ADGRL3: variants seen among roughly 807,000 people sequenced by gnomAD.
ADGRL3 encodes the protein adhesion G protein-coupled receptor L3, also known as calcium-independent alpha-latrotoxin receptor 3.
Under a neutral mutation model 153.5 loss-of-function variants are expected in ADGRL3, and 62 were observed. The observed-to-expected ratio is 0.40, with a 90% CI of 0.33 to 0.50. The LOEUF (loss-of-function observed/expected upper bound fraction) is 0.50, where lower values mean the gene tolerates loss of function less well. ADGRL3 is among the 20% of genes least tolerant of loss of function. ADGRL3 has a pLI of 0.47. For synonymous variants in ADGRL3, 710 were observed against 672.5 expected, an observed-to-expected ratio of 1.06 and a Z score of -0.86; for missense variants, 1,641 against 1,859.4, an observed-to-expected ratio of 0.88 and a Z score of 2.16.
intron 9 of ADGRL3, among the ~76,000 whole-genome samples, chr4:61,817,011 G>A (rs984081239): frequency 1.3e-5 from 2 of 152,184 alleles, no homozygotes; most frequent in Non-Finnish European, 2.9e-5. Context: ...CTGACTGGGT[G>A]TGCATGTGCT....
chr4:61,961,455 C>G (rs1386969184), intron 17 of ADGRL3, among the ~76,000 whole-genome samples: 1 of 152,180 alleles, frequency 6.6e-6, no homozygotes. Context: ...CTCTAATTCT[C>G]TTTTGTGCAT....
At chr4:61,546,520 C>T (rs1028810620) in intron 4 of ADGRL3, among the ~76,000 whole-genome samples, 3 of 152,006 alleles carry the variant, frequency 2.0e-5, no homozygotes, top group African/African-American at 7.2e-5. Context: ...ATTCTCATTG[C>T]TCTTGGTGTC....
At chr4:61,385,928 T>A (rs978654506) in intron 2 of ADGRL3, among the ~76,000 whole-genome samples, 11 of 152,114 alleles carry the variant, frequency 7.2e-5, no homozygotes, top group African/African-American at 1.2e-4. Context: ...TGTATCTATC[T>A]CTTTCTTTCA....
chr4:61,739,233 G>A (rs2096554111), intron 8 of ADGRL3, among the ~76,000 whole-genome samples: 1 of 151,578 alleles, frequency 6.6e-6, no homozygotes, highest in African/African-American at 2.4e-5. Context: ...AGTTTTTTTT[G>A]GAACTAAGTA....
At chr4:61,680,303 A>AAATGGAAT (rs201816133) in intron 6 of ADGRL3, among the ~76,000 whole-genome samples, 33,921 of 151,640 alleles carry the variant, frequency 0.22, 3,963 homozygotes, top group East Asian at 0.34. Flanking sequence ...CGAATTTATG[A>AAATGGAAT]CCACAAACTT....
intron 6 of ADGRL3, among the ~76,000 whole-genome samples, chr4:61,707,250 A>G (rs2095872294): frequency 6.6e-6 from 1 of 152,220 alleles, no homozygotes; most frequent in Non-Finnish European, 1.5e-5. Context: ...ATAATAATGA[A>G]AAGTTGGAAT....
chr4:62,046,302 T>A (rs1239003644), intron 25 of ADGRL3, among the ~76,000 whole-genome samples: 2 of 151,958 alleles, frequency 1.3e-5, no homozygotes, highest in Non-Finnish European at 2.9e-5. Context: ...TGTCTAATAT[T>A]GTTGTCTAAA....
chr4:61,310,987 A>T (rs2094979840), intron 1 of ADGRL3, among the ~76,000 whole-genome samples: 1 of 152,088 alleles, frequency 6.6e-6, no homozygotes, highest in Non-Finnish European at 1.5e-5. Flanking sequence ...TAGGGAAAAA[A>T]ATGGATATCT....
At chr4:61,627,152 T>C (rs564986906) in intron 5 of ADGRL3, among the ~76,000 whole-genome samples, 2 of 152,314 alleles carry the variant, frequency 1.3e-5, no homozygotes, top group Admixed American at 1.3e-4. Context: ...TGAAACGTTG[T>C]ATTACTAGTA....
chr4:61,849,452 C>T (rs960915192), intron 9 of ADGRL3, among the ~76,000 whole-genome samples: 28 of 151,844 alleles, frequency 1.8e-4, no homozygotes, highest in Non-Finnish European at 3.7e-4. Flanking sequence ...TATGTGTTTT[C>T]TGCATTGTTT....
chr4:61,988,622 A>G (rs1342416524), intron 19 of ADGRL3, among the ~76,000 whole-genome samples: 1 of 152,214 alleles, frequency 6.6e-6, no homozygotes, highest in African/African-American at 2.4e-5. Context: ...TTCCAATATT[A>G]CCAAAACATG....
chr4:61,501,872 A>G (rs1371049733), intron 3 of ADGRL3, among the ~76,000 whole-genome samples: 1 of 152,080 alleles, frequency 6.6e-6, no homozygotes, highest in Non-Finnish European at 1.5e-5. Flanking sequence ...CCCTGCTTCT[A>G]TGTTTATCTG....
At chr4:61,273,016 G>A (rs555015675) in intron 1 of ADGRL3, among the ~76,000 whole-genome samples, 1 of 152,130 alleles carries the variant, frequency 6.6e-6, no homozygotes, top group Non-Finnish European at 1.5e-5. Context: ...CTACTACTCA[G>A]TATTCTTATC....
At chr4:61,491,779 A>C (rs893621904) in intron 2 of ADGRL3, among the ~76,000 whole-genome samples, 2 of 152,142 alleles carry the variant, frequency 1.3e-5, no homozygotes, top group African/African-American at 4.8e-5. Context: ...CAAGGTGCCA[A>C]ATTATACCTT....
intron 19 of ADGRL3, among the ~76,000 whole-genome samples, chr4:61,991,952 T>C (rs2099105286): frequency 6.7e-6 from 1 of 148,770 alleles, no homozygotes; most frequent in African/African-American, 2.4e-5. Flanking sequence ...ATAATATACA[T>C]ATATAATAAA....
At chr4:61,542,582 T>C (rs2098695350) in intron 4 of ADGRL3, among the ~76,000 whole-genome samples, 1 of 152,230 alleles carries the variant, frequency 6.6e-6, no homozygotes, top group South Asian at 2.1e-4. Flanking sequence ...ACTATGTAAG[T>C]ACATTTTATC....
At chr4:62,037,354 C>T (rs1200276048) in intron 23 of ADGRL3, among the ~76,000 whole-genome samples, 1 of 152,116 alleles carries the variant, frequency 6.6e-6, no homozygotes, top group Non-Finnish European at 1.5e-5. Flanking sequence ...TAAAGAACAA[C>T]AGCTACAATG....
At chr4:61,833,126 G>A (rs1717485385) in intron 9 of ADGRL3, among the ~76,000 whole-genome samples, 1 of 152,008 alleles carries the variant, frequency 6.6e-6, no homozygotes, top group South Asian at 2.1e-4. Flanking sequence ...ATTTTTGCTG[G>A]TTGTGCCAAG....
intron 1 of ADGRL3, among the ~76,000 whole-genome samples, chr4:61,337,625 T>TA (rs1419549682): frequency 6.6e-6 from 1 of 152,182 alleles, no homozygotes; most frequent in African/African-American, 2.4e-5. Context: ...ACTCTGTTTG[T>TA]AAAAAATCAG....
Sources: allele counts gnomAD v4.1 joint callset (sites outside exome capture counted in the v4.1 genomes callset), GRCh38; gene constraint gnomAD v4.1.1; transcripts MANE v1.5; gene names NCBI Gene and HGNC (gene_info 2026-07-23, HGNC 2026-07-21).